BORCS5: variants seen among roughly 807,000 people sequenced by gnomAD.
BORCS5 encodes the protein BLOC-1-related complex subunit 5.
BORCS5 carries 17 observed loss-of-function variants against 22.1 expected under a neutral mutation model. That is an observed-to-expected ratio of 0.77 (90% CI 0.53 to 1.15). BORCS5 has a LOEUF of 1.15. BORCS5 is among the 50% of genes most tolerant of loss of function. The pLI, the probability that BORCS5 is intolerant of heterozygous loss-of-function variation, is 0.00. For missense variants in BORCS5, 247 were observed against 253.2 expected (o/e 0.98, Z 0.17); for synonymous variants, 117 against 99.8 (o/e 1.17, Z -1.03).
chr12:12,411,628 CT>C (rs1164665155), intron 2 of BORCS5, among the ~76,000 whole-genome samples: 3 of 152,064 alleles, frequency 2.0e-5, no homozygotes, highest in Non-Finnish European at 4.4e-5. Context: ...TCCAATCTAT[CT>C]TTTTTTGTTG....
At chr12:12,407,336 A>T (rs1257841211) in intron 2 of BORCS5, among the ~76,000 whole-genome samples, 4 of 151,490 alleles carry the variant, frequency 2.6e-5, no homozygotes, top group Non-Finnish European at 5.9e-5. Flanking sequence ...AATGGAATTT[A>T]TTCTTTCCTT....
intron 3 of BORCS5, among the ~76,000 whole-genome samples, chr12:12,449,610 C>T (rs142211559): frequency 2.0e-5 from 3 of 152,228 alleles, no homozygotes; most frequent in African/African-American, 2.4e-5. Flanking sequence ...AAATTCCTGC[C>T]GTTCTGATAT....
intron 2 of BORCS5, among the ~76,000 whole-genome samples, chr12:12,430,158 T>TTTTTTTTTTA (rs1942386062): frequency 7.3e-6 from 1 of 136,786 alleles, no homozygotes; most frequent in Non-Finnish European, 1.6e-5. Flanking sequence ...AAAATTTTTT[T>TTTTTTTTTTA]TTTTTTTTTT....
At chr12:12,425,651 C>T (rs1942267538) in intron 2 of BORCS5, among the ~76,000 whole-genome samples, 1 of 152,166 alleles carries the variant, frequency 6.6e-6, no homozygotes, top group African/African-American at 2.4e-5. Flanking sequence ...TGGAGAAATG[C>T]CTATTTAAAT....
At chr12:12,438,385 A>AAAAAAAC (rs1555156048) in intron 3 of BORCS5, among the ~76,000 whole-genome samples, 3 of 126,112 alleles carry the variant, frequency 2.4e-5, no homozygotes, top group African/African-American at 9.8e-5. Flanking sequence ...AAAAAACGAA[A>AAAAAAAC]AACAACAACA....
intron 2 of BORCS5, among the ~76,000 whole-genome samples, chr12:12,414,202 G>A (rs1453980463): frequency 2.2e-5 from 2 of 91,594 alleles, no homozygotes; most frequent in Non-Finnish European, 2.3e-5. Context: ...CTGGCCAGGC[G>A]GGGGGCTGAC....
intron 2 of BORCS5, among the ~76,000 whole-genome samples, chr12:12,430,991 G>A (rs1246983955): frequency 6.6e-6 from 1 of 152,114 alleles, no homozygotes; most frequent in East Asian, 1.9e-4. Context: ...GGACATTGTG[G>A]TGTTTGCTGA....
intron 2 of BORCS5, among the ~76,000 whole-genome samples, chr12:12,369,859 G>A (rs1010969061): frequency 2.0e-5 from 3 of 150,914 alleles, no homozygotes; most frequent in African/African-American, 7.3e-5. Flanking sequence ...CGAGTAGCTG[G>A]GACTACAGGT....
Position 12,465,582 on chromosome 12 carries a change from C to T in BORCS5, c.397C>T (p.Gln133Ter). 6.2e-7 allele frequency: 1 copy of T among 1,614,234 alleles called. No individual in the cohort carries two copies. Among genetic ancestry groups the T allele is most frequent in the Non-Finnish European group, 8.5e-7 (1 of 1,180,032 alleles). The stretch of plus-strand genomic sequence containing the variant: ...TGTAGAAACTCTGTTCAGCTTCATG[C>T]AGGAGCGCCAGAAAAGATACGCCAA... ...LSVETLFSFMQERQKRYAKYA... is the reference protein window; with the variant it reads ...LSVETLFSFM The change falls in exon 4 of 4, where the codon CAG becomes TAG. Residue 133 changes from glutamine (Q) to a stop codon, truncating the protein, a stop_gained. Coordinates refer to ENST00000314565, the MANE Select transcript of BORCS5 (RefSeq NM_058169.6). LOFTEE classifies it high-confidence loss of function.
intron 2 of BORCS5, among the ~76,000 whole-genome samples, chr12:12,426,130 C>T (rs1022841631): frequency 6.6e-6 from 1 of 152,186 alleles, no homozygotes; most frequent in Non-Finnish European, 1.5e-5. Flanking sequence ...CTACCTGACT[C>T]CAAACTTTTT....
At chr12:12,387,198 G>A (rs1400342405) in intron 2 of BORCS5, among the ~76,000 whole-genome samples, 1 of 151,240 alleles carries the variant, frequency 6.6e-6, no homozygotes, top group African/African-American at 2.4e-5. Context: ...TCAATAGTTT[G>A]TTCCTTTTAT....
intron 3 of BORCS5, among the ~76,000 whole-genome samples, chr12:12,444,353 C>T (rs1212181687): frequency 6.6e-6 from 1 of 152,176 alleles, no homozygotes; most frequent in Non-Finnish European, 1.5e-5. Context: ...GACTCTCCTC[C>T]ATTGAGTTCA....
At chr12:12,376,268 C>T (rs1353445112) in intron 2 of BORCS5, among the ~76,000 whole-genome samples, 7 of 146,760 alleles carry the variant, frequency 4.8e-5, no homozygotes, top group Non-Finnish European at 1.0e-4. Flanking sequence ...GAGTCTCACT[C>T]TGTTGCCCAG....
intron 2 of BORCS5, among the ~76,000 whole-genome samples, chr12:12,414,440 C>A (rs1444981922): frequency 9.7e-6 from 1 of 103,038 alleles, no homozygotes; most frequent in Non-Finnish European, 2.2e-5. Flanking sequence ...GGGCTGACCC[C>A]CCCACCTCCC....
chr12:12,371,349 G>A lies in BORCS5; in HGVS notation c.202+10000G>A, dbSNP rs191104090. Among the ~76,000 whole-genome samples, 24 of 152,220 alleles carry A rather than the reference G, an allele frequency of 1.6e-4. No individual in the cohort carries two copies. The East Asian group carries it at 3.9e-3, about 24-fold the overall frequency. On this transcript the variant is annotated intron_variant, in intron 2 of 3. Transcript: ENST00000314565. ...GCCCTTTCACCCTGGCTGGAGTGCA[G>A]TGGCACAATCACGGCTCACTGCAGC...
At chr12:12,451,791 G>A (rs1000799437) in intron 3 of BORCS5, among the ~76,000 whole-genome samples, 18 of 151,818 alleles carry the variant, frequency 1.2e-4, no homozygotes, top group Non-Finnish European at 2.5e-4. Flanking sequence ...GGTGGCGCTC[G>A]CCTGTAGTCC....
chr12:12,393,176 A>G (rs1387306645), intron 2 of BORCS5, among the ~76,000 whole-genome samples: 3 of 152,040 alleles, frequency 2.0e-5, no homozygotes, highest in Non-Finnish European at 4.4e-5. Context: ...CAGAGGTTGC[A>G]GTGAGCCGAG....
chr12:12,416,709 C>T (rs995211345), intron 2 of BORCS5, among the ~76,000 whole-genome samples: 1 of 152,020 alleles, frequency 6.6e-6, no homozygotes, highest in South Asian at 2.1e-4. Flanking sequence ...GATCCTTCCA[C>T]CTCCGCCTAC....
At chr12:12,389,738 G>T (rs1295847043) in intron 2 of BORCS5, among the ~76,000 whole-genome samples, 1 of 152,082 alleles carries the variant, frequency 6.6e-6, no homozygotes, top group East Asian at 1.9e-4. Flanking sequence ...CTGCCTTTCG[G>T]GTTCAAGTGA....
Sources: gnomAD v4.1 joint callset for allele counts (sites outside exome capture counted in the v4.1 genomes callset) on GRCh38, gnomAD v4.1.1 for gene constraint, MANE v1.5 for transcripts, NCBI Gene and HGNC (gene_info 2026-07-23, HGNC 2026-07-21) for gene names.